Variants in RSPH14 observed in about 807,000 individuals in gnomAD.
The protein encoded by RSPH14 is rhabdoid tumor deletion region gene 1.
Under a neutral mutation model 26.7 loss-of-function variants are expected in RSPH14, and 20 were observed. The ratio of observed to expected loss-of-function variants is 0.75; its 90% CI spans 0.53 to 1.09. RSPH14 has a LOEUF of 1.09. RSPH14 is among the 50% of genes least tolerant of loss of function. RSPH14 has a pLI of 0.00. For synonymous variants in RSPH14, 177 were observed against 189.3 expected (o/e 0.93, Z 0.53); for missense variants, 449 against 457.2 (o/e 0.98, Z 0.16).
chr22:23,136,062 T>C (rs2070476027), intron 3 of RSPH14: 1 of 414,818 alleles, frequency 2.4e-6, no homozygotes, highest in Non-Finnish European at 4.3e-6. Context: ...AAAGTCACCG[T>C]TGGACACACA....
At chr22:23,120,380 T>C (rs1275345554) in intron 4 of RSPH14, among the ~76,000 whole-genome samples, 1 of 152,090 alleles carries the variant, frequency 6.6e-6, no homozygotes, top group Admixed American at 6.6e-5. Context: ...CCACGTGGTC[T>C]ATCGGCCCCT....
chr22:23,142,373 T>C (rs965869109), upstream of RSPH14, among the ~76,000 whole-genome samples: 2 of 152,116 alleles, frequency 1.3e-5, no homozygotes, highest in African/African-American at 4.8e-5. Flanking sequence ...TGGAGTGCAG[T>C]GGCGCGATCT....
the RSPH14 span, among the ~76,000 whole-genome samples, chr22:23,151,301 G>T: frequency 6.6e-6 from 1 of 152,244 alleles, no homozygotes; most frequent in Non-Finnish European, 1.5e-5. Context: ...AGCACTGGAG[G>T]TGGGGAAACT....
chr22:23,128,893 T>G (rs1202362621), intron 4 of RSPH14, among the ~76,000 whole-genome samples: 1 of 152,178 alleles, frequency 6.6e-6, no homozygotes, highest in Non-Finnish European at 1.5e-5. Context: ...CCCTGCCAGG[T>G]GCAGAGGGTG....
chr22:23,158,036 C>A, the RSPH14 span: 8 of 1,614,172 alleles, frequency 5.0e-6, no homozygotes, highest in East Asian at 1.6e-4. Flanking sequence ...GACCCTGGAG[C>A]ATACCAGGTA....
At chr22:23,143,805 T>C (rs1280485746), upstream of RSPH14, among the ~76,000 whole-genome samples, 2 of 152,246 alleles carry the variant, frequency 1.3e-5, no homozygotes, top group South Asian at 2.1e-4. Flanking sequence ...TAAAGGAGGA[T>C]TGGGGCCAGG....
intron 4 of RSPH14, 95 bp from the exon 5 acceptor site, chr22:23,064,228 C>A (rs2068155073): frequency 1.7e-6 from 2 of 1,169,118 alleles, no homozygotes; most frequent in South Asian, 1.3e-5. Flanking sequence ...TCTTGCAGAA[C>A]CAGTGGGTGG....
chr22:23,152,992 CTG>C, the RSPH14 span: 1 of 1,426,504 alleles, frequency 7.0e-7, no homozygotes, highest in Non-Finnish European at 9.9e-7. Flanking sequence ...GGGCACATTT[CTG>C]TGAGTACACC....
chr22:23,153,844 C>T, the RSPH14 span, among the ~76,000 whole-genome samples: 3 of 151,920 alleles, frequency 2.0e-5, no homozygotes, highest in East Asian at 5.8e-4. Flanking sequence ...GCCCCCACAC[C>T]CAGCTAATTT....
Position 23,115,872 on chromosome 22 carries a change from T to G in RSPH14, c.421+18154A>C, listed in dbSNP as rs927831957. Among the ~76,000 whole-genome samples, 11 of 152,254 alleles carry G rather than the reference T, an allele frequency of 7.2e-5. 1 individual carries two copies. Among genetic ancestry groups the G allele is most frequent in the African/African-American group, 2.7e-4 (11 of 41,470 alleles). The stretch of plus-strand genomic sequence containing the variant: ...GCAGAGTTACTCATTCCTTCATCTG[T>G]GCAAGGGGAGGGTGGTGGTCATAAT... On this transcript the variant is annotated intron_variant, in intron 4 of 6. Coordinates refer to ENST00000216036, the MANE Select transcript of RSPH14 (RefSeq NM_014433.3).
At chr22:23,151,190 G>A in the RSPH14 span, among the ~76,000 whole-genome samples, 30 of 152,342 alleles carry the variant, frequency 2.0e-4, no homozygotes, top group East Asian at 2.7e-3. Context: ...CAGAATAGCC[G>A]AAGTGGCCAT....
the RSPH14 span, chr22:23,158,029 C>G: frequency 6.2e-7 from 1 of 1,614,158 alleles, no homozygotes. Flanking sequence ...ACGTGCAGAC[C>G]CTGGAGCATA....
At chr22:23,099,587 C>A (rs2069234596) in intron 4 of RSPH14, among the ~76,000 whole-genome samples, 1 of 152,260 alleles carries the variant, frequency 6.6e-6, no homozygotes, top group Non-Finnish European at 1.5e-5. Context: ...AGGCACACAG[C>A]TGGCGCTGGC....
At chr22:23,132,853 T>G (rs2070385502) in intron 4 of RSPH14, 1 of 151,788 alleles carries the variant, frequency 6.6e-6, no homozygotes, top group Admixed American at 6.6e-5. Flanking sequence ...GGTTCACCCC[T>G]CCTTAGGCAA....
chr22:23,080,271 G>A (rs1019290404), intron 4 of RSPH14, among the ~76,000 whole-genome samples: 4 of 152,214 alleles, frequency 2.6e-5, no homozygotes, highest in Admixed American at 6.5e-5. Flanking sequence ...CTGGTCAGCC[G>A]TGGTGGCTGT....
Position 23,062,043 on chromosome 22 carries a change from T to C in RSPH14, c.654-98A>G, listed in dbSNP as rs955258309. On this transcript the variant is annotated intron_variant, in intron 5 of 6. Transcript: ENST00000216036. ...GGGAGACACAAAAGAAATAATTGTG[T>C]GGGGGCTACCCCAGGTAGTCCCAGG... 9 of 1,444,714 alleles carry C rather than the reference T, an allele frequency of 6.2e-6. No individual in the cohort carries two copies. The African/African-American group carries it at 1.1e-4, about 18-fold the overall frequency. 89.5% of individuals were successfully genotyped at this position (1,444,714 alleles called of 1,614,324 possible).
intron 4 of RSPH14, among the ~76,000 whole-genome samples, chr22:23,126,748 C>T (rs575363739): frequency 1.3e-5 from 2 of 152,332 alleles, no homozygotes; most frequent in South Asian, 4.1e-4. Context: ...CTGGGGATGG[C>T]TGGGCCAGCC....
upstream of RSPH14, chr22:23,149,971 G>A (rs976488859): frequency 1.9e-5 from 19 of 1,010,766 alleles, no homozygotes; most frequent in Admixed American, 4.0e-5. Context: ...TAGGAAGGAA[G>A]GCTGGGAAGA....
At chr22:23,151,893 G>T in the RSPH14 span, among the ~76,000 whole-genome samples, 1 of 152,320 alleles carries the variant, frequency 6.6e-6, no homozygotes, top group East Asian at 1.9e-4. Flanking sequence ...TGTTCGGGGT[G>T]TGCCCCTTGG....
Sources: gnomAD v4.1 joint callset for allele counts (sites outside exome capture counted in the v4.1 genomes callset) on GRCh38, gnomAD v4.1.1 for gene constraint, MANE v1.5 for transcripts, NCBI Gene and HGNC (gene_info 2026-07-23, HGNC 2026-07-21) for gene names.